CDH18: variants seen among roughly 807,000 people sequenced by gnomAD.
The protein encoded by CDH18 is cadherin-18.
Under a neutral mutation model 67.9 loss-of-function variants are expected in CDH18, and 31 were observed. That is an observed-to-expected ratio of 0.46 (90% CI 0.34 to 0.62). The LOEUF (loss-of-function observed/expected upper bound fraction) is 0.62, where lower values mean the gene tolerates loss of function less well. Among genes scored for constraint, CDH18 ranks in the 20% least tolerant of loss-of-function variants. The pLI is 0.01. For missense variants in CDH18, 890 were observed against 975.5 expected (o/e 0.91, Z 1.17); for synonymous variants, 362 against 347.2 (o/e 1.04, Z -0.48).
At chr5:19,900,586 T>C (rs745595192) in intron 2 of CDH18, among the ~76,000 whole-genome samples, 14 of 152,280 alleles carry the variant, frequency 9.2e-5, no homozygotes, top group Middle Eastern at 3.4e-3. Context: ...TATGTGTCTA[T>C]AATAAATTTT....
chr5:20,152,265 A>AT (rs893668667), intron 2 of CDH18, among the ~76,000 whole-genome samples: 1 of 146,530 alleles, frequency 6.8e-6, no homozygotes, highest in Non-Finnish European at 1.5e-5. Flanking sequence ...ACAATTATAT[A>AT]TAAAAACTAT....
At chr5:19,968,421 C>T (rs1274448077) in intron 2 of CDH18, among the ~76,000 whole-genome samples, 3 of 152,154 alleles carry the variant, frequency 2.0e-5, no homozygotes, top group Non-Finnish European at 4.4e-5. Flanking sequence ...CTGGAGGCAT[C>T]ACGCTACCTG....
At chr5:20,300,303 C>CGTGTGTGTGTGT (rs67689740) in intron 1 of CDH18, among the ~76,000 whole-genome samples, 5 of 148,506 alleles carry the variant, frequency 3.4e-5, no homozygotes, top group African/African-American at 7.5e-5. Flanking sequence ...TGTGTGTGTG[C>CGTGTGTGTGTGT]GTGTGTGTGT....
chr5:20,461,615 T>A (rs1337713625), intron 1 of CDH18, among the ~76,000 whole-genome samples: 1 of 152,102 alleles, frequency 6.6e-6, no homozygotes, highest in African/African-American at 2.4e-5. Flanking sequence ...CTCTTCTTTC[T>A]GCTTGCTAGA....
intron 2 of CDH18, among the ~76,000 whole-genome samples, chr5:20,069,602 G>A (rs377079713): frequency 4.2e-4 from 64 of 151,930 alleles, no homozygotes; most frequent in Non-Finnish European, 8.1e-4. Context: ...TAGTAGAGAC[G>A]GAGTTTCACC....
intron 2 of CDH18, among the ~76,000 whole-genome samples, chr5:20,220,850 G>T (rs1040606297): frequency 3.3e-5 from 5 of 151,904 alleles, no homozygotes; most frequent in African/African-American, 1.2e-4. Flanking sequence ...ACATACAAAT[G>T]GCAAAATGTA....
At chr5:19,680,918 A>G (rs1273801384) in intron 5 of CDH18, among the ~76,000 whole-genome samples, 1 of 152,034 alleles carries the variant, frequency 6.6e-6, no homozygotes, top group Non-Finnish European at 1.5e-5. Context: ...TTTGGTACAT[A>G]CCCAAAGGAA....
At chr5:19,661,890 T>G (rs1757233358) in intron 5 of CDH18, among the ~76,000 whole-genome samples, 1 of 152,070 alleles carries the variant, frequency 6.6e-6, no homozygotes, top group Admixed American at 6.6e-5. Context: ...AGTGCTGGGG[T>G]TAGACTGCAG....
At chr5:20,074,018 C>G (rs927335250) in intron 2 of CDH18, among the ~76,000 whole-genome samples, 2 of 152,006 alleles carry the variant, frequency 1.3e-5, no homozygotes, top group East Asian at 3.9e-4. Context: ...TTTTTCTTTA[C>G]GTAATCAGAA....
At chr5:19,664,487 C>A (rs1228181883) in intron 5 of CDH18, among the ~76,000 whole-genome samples, 1 of 151,754 alleles carries the variant, frequency 6.6e-6, no homozygotes, top group African/African-American at 2.4e-5. Context: ...CAGTAAAAAA[C>A]AAACAAACAA....
intron 2 of CDH18, among the ~76,000 whole-genome samples, chr5:19,852,546 C>T (rs1783825102): frequency 6.6e-6 from 1 of 151,902 alleles, no homozygotes; most frequent in African/African-American, 2.4e-5. Flanking sequence ...TTCTAAAGTC[C>T]TTCTTAGGTT....
At position 20,017,088 on chromosome 5, in the gene CDH18, G is replaced by GA. The variant is rs1170278378; in HGVS notation, c.-517-25075dup. 6.6e-5 allele frequency among the ~76,000 whole-genome samples: 10 copies of GA among 151,928 alleles called. 2 individuals are homozygous for GA. The highest frequency in any genetic ancestry group is 5.2e-4 in the Admixed American group (8 of 15,262). On this transcript the variant is annotated intron_variant, in intron 2 of 14. Coordinates refer to the CDH18 transcript ENST00000507958. ...GGAGTAAGAAATTGATGTGTTCTCT[G>GA]AAAAAAATGGAAAATCTCACTTAAA...
At chr5:20,543,978 C>G (rs1757196249) in intron 1 of CDH18, among the ~76,000 whole-genome samples, 1 of 152,046 alleles carries the variant, frequency 6.6e-6, no homozygotes, top group Non-Finnish European at 1.5e-5. Flanking sequence ...GAATATAGAA[C>G]ACATATTTAT....
At chr5:19,540,645 C>G (rs1081260) in intron 9 of CDH18, among the ~76,000 whole-genome samples, 7,684 of 152,204 alleles carry the variant, frequency 0.05, 209 homozygotes, top group African/African-American at 0.062. Context: ...GGCTCAACAC[C>G]ATGTGGAAGT....
intron 2 of CDH18, among the ~76,000 whole-genome samples, chr5:19,865,127 C>T (rs561654733): frequency 1.3e-5 from 2 of 152,192 alleles, no homozygotes; most frequent in East Asian, 3.9e-4. Context: ...AGGATGATTT[C>T]GCTTTACAAA....
intron 1 of CDH18, among the ~76,000 whole-genome samples, chr5:20,321,278 A>G (rs182708310): frequency 2.6e-4 from 39 of 152,118 alleles, no homozygotes; most frequent in African/African-American, 8.4e-4. Flanking sequence ...CTAAACTTCC[A>G]TCTTCTTCAG....
chr5:20,046,256 G>A (rs1740882499), intron 2 of CDH18, among the ~76,000 whole-genome samples: 1 of 151,996 alleles, frequency 6.6e-6, no homozygotes, highest in Non-Finnish European at 1.5e-5. Context: ...AGAAATTCAT[G>A]ATAATACCAC....
rs1209425232 is a variant in CDH18 at position 19,849,601 on chromosome 5, TATATATACACGCATATATATATAAAC to T, written c.-256-10385_-256-10360del. 6.7e-5 allele frequency among the ~76,000 whole-genome samples: 6 copies of T among 89,792 alleles called. 1 individual carries two copies. Among genetic ancestry groups the T allele is most frequent in the African/African-American group, 1.8e-4 (6 of 33,124 alleles). 58.9% of individuals were successfully genotyped at this position (89,792 alleles called of 152,430 possible). A position where few individuals can be genotyped will look rare whatever the true frequency, so the allele number is the denominator to read the frequency against. ...CATTTCAAACATATATATATAAACA[TATATATACACGCATATATATATAAAC>T]ATATATATACACGCATATATATATA... On this transcript the variant is annotated intron_variant, in intron 2 of 12. Coordinates refer to ENST00000382275, the MANE Select transcript of CDH18 (RefSeq NM_004934.5).
intron 2 of CDH18, among the ~76,000 whole-genome samples, chr5:19,937,134 C>A (rs1794363819): frequency 1.3e-5 from 2 of 151,228 alleles, no homozygotes; most frequent in Admixed American, 1.3e-4. Context: ...ATTATTATAT[C>A]CTTCATGTTT....
Sources: gnomAD v4.1 joint callset for allele counts (sites outside exome capture counted in the v4.1 genomes callset) on GRCh38, gnomAD v4.1.1 for gene constraint, MANE v1.5 for transcripts, NCBI Gene and HGNC (gene_info 2026-07-23, HGNC 2026-07-21) for gene names.